The following COMMD10 variants were observed in gnomAD, a reference collection of about 807,000 sequenced individuals.
COMMD10 encodes COMM domain-containing protein 10.
Under a neutral mutation model 28.9 loss-of-function variants are expected in COMMD10, and 33 were observed. That is an observed-to-expected ratio of 1.14 (90% confidence interval 0.87 to 1.53). COMMD10 has a LOEUF of 1.53. Among genes scored for constraint, COMMD10 ranks in the 40% most tolerant of loss-of-function variants. The pLI is 0.00. For missense variants in COMMD10, 310 were observed against 233.4 expected (o/e 1.33, Z -2.14); for synonymous variants, 110 against 81.7 (o/e 1.35, Z -1.87).
intron 5 of COMMD10, among the ~76,000 whole-genome samples, chr5:116,145,648 C>T (rs149674666): frequency 1.8e-4 from 28 of 151,946 alleles, no homozygotes; most frequent in Admixed American, 1.8e-3. Context: ...TCTTGAATTG[C>T]AATCCTCACA....
chr5:116,097,126 C>T (rs1328847963), intron 4 of COMMD10, among the ~76,000 whole-genome samples: 1 of 151,826 alleles, frequency 6.6e-6, no homozygotes, highest in Non-Finnish European at 1.5e-5. Context: ...AGAAGCTTCT[C>T]TTTAAGAAAT....
At chr5:116,289,163 T>C (rs1443138338) in intron 5 of COMMD10, among the ~76,000 whole-genome samples, 1 of 151,806 alleles carries the variant, frequency 6.6e-6, no homozygotes, top group Admixed American at 6.6e-5. Context: ...ATTACAGATT[T>C]GAGCTACCGC....
intron 2 of COMMD10, among the ~76,000 whole-genome samples, chr5:116,090,182 C>T (rs890587912): frequency 6.6e-6 from 1 of 152,190 alleles, no homozygotes; most frequent in South Asian, 2.1e-4. Flanking sequence ...GTGGGCATGC[C>T]AGATTATGGA....
chr5:116,205,500 G>T (rs1261041956), intron 5 of COMMD10, among the ~76,000 whole-genome samples: 1 of 151,960 alleles, frequency 6.6e-6, no homozygotes, highest in Non-Finnish European at 1.5e-5. Flanking sequence ...TTTCAGTTAC[G>T]GGATTTATTG....
intron 4 of COMMD10, among the ~76,000 whole-genome samples, chr5:116,125,421 T>C (rs1278048937): frequency 1.3e-5 from 2 of 152,218 alleles, no homozygotes; most frequent in Admixed American, 6.5e-5. Context: ...AGAGATGCGC[T>C]GTTAGTCTGG....
intron 5 of COMMD10, among the ~76,000 whole-genome samples, chr5:116,255,373 G>A (rs1259454565): frequency 6.6e-6 from 1 of 151,576 alleles, no homozygotes; most frequent in African/African-American, 2.4e-5. Context: ...CTCGTTAGTT[G>A]ATGCAGTTTC....
intron 5 of COMMD10, among the ~76,000 whole-genome samples, chr5:116,144,540 G>T (rs1440145458): frequency 6.6e-6 from 1 of 151,846 alleles, no homozygotes; most frequent in East Asian, 1.9e-4. Flanking sequence ...ACTACATAGT[G>T]TTAAAAAATG....
chr5:116,093,608 CCT>C (rs1750373260), intron 4 of COMMD10, among the ~76,000 whole-genome samples: 1 of 152,080 alleles, frequency 6.6e-6, no homozygotes. Context: ...CCATGCTCCC[CCT>C]GAGTCTTAGG....
chr5:116,106,636 T>C (rs1259433337), intron 4 of COMMD10, among the ~76,000 whole-genome samples: 2 of 152,176 alleles, frequency 1.3e-5, no homozygotes, highest in Non-Finnish European at 2.9e-5. Context: ...TTTGTAGGTC[T>C]CTAAGAACTT....
At chr5:116,163,986 A>T (rs977143381) in intron 5 of COMMD10, among the ~76,000 whole-genome samples, 1 of 152,152 alleles carries the variant, frequency 6.6e-6, no homozygotes, top group African/African-American at 2.4e-5. Flanking sequence ...CAAAGGGGTG[A>T]TGGAAATACT....
intron 4 of COMMD10, among the ~76,000 whole-genome samples, chr5:116,106,863 A>G (rs62384699): frequency 0.066 from 10,107 of 152,080 alleles, 458 homozygotes; most frequent in Admixed American, 0.12. Context: ...TTTTGAGCCT[A>G]TGTGTGTCTT....
rs530051958 is a variant in COMMD10, at chr5:116,206,493, A to G, written c.510+72315A>G. On this transcript the variant is annotated intron_variant, in intron 5 of 6. Coordinates refer to ENST00000274458, the MANE Select transcript of COMMD10 (RefSeq NM_016144.4). Reference sequence around the variant, plus strand: ...TGGTGAAACCCAGTTTCCACTAAAAATACAAAAAATTAACTGGGTGTGGTG... The same window carrying G: ...TGGTGAAACCCAGTTTCCACTAAAAGTACAAAAAATTAACTGGGTGTGGTG... Among the ~76,000 whole-genome samples the G allele has an allele frequency of 2.0e-5, 3 of 152,224 alleles. No individual in the cohort carries two copies. The East Asian group carries it at 5.8e-4, about 29-fold the overall frequency.
intron 5 of COMMD10, among the ~76,000 whole-genome samples, chr5:116,254,482 A>T (rs1750220310): frequency 6.6e-6 from 1 of 150,718 alleles, no homozygotes. Flanking sequence ...CGTCCCAGAG[A>T]TTCTGGTATG....
In COMMD10 at chr5:116,155,674, G is replaced by GT. The variant is rs1246351003; in HGVS notation, c.510+21502dup. On this transcript the variant is annotated intron_variant, in intron 5 of 6. Coordinates refer to ENST00000274458, the MANE Select transcript of COMMD10 (RefSeq NM_016144.4). ...TAATTTGAAGAATTCTAACATAGTT[G>GT]TTTTTTCCCCTCCATATGTGTTGAT... Among the ~76,000 whole-genome samples, 4 of 152,036 alleles carry GT rather than the reference G, an allele frequency of 2.6e-5. No individual in the cohort carries two copies. In the South Asian group the frequency reaches 6.2e-4, roughly 24 times the overall value.
chr5:116,239,575 G>A (rs1411183452), intron 5 of COMMD10, among the ~76,000 whole-genome samples: 1 of 152,114 alleles, frequency 6.6e-6, no homozygotes, highest in Non-Finnish European at 1.5e-5. Context: ...TATTGGAGTG[G>A]CCTTTGCAGG....
intron 5 of COMMD10, among the ~76,000 whole-genome samples, chr5:116,173,405 G>T (rs1252205360): frequency 6.6e-6 from 1 of 151,986 alleles, no homozygotes; most frequent in African/African-American, 2.4e-5. Flanking sequence ...GTAAACTTTG[G>T]AATTTCCTGA....
At chr5:116,164,133 A>G (rs1291280609) in intron 5 of COMMD10, among the ~76,000 whole-genome samples, 2 of 152,108 alleles carry the variant, frequency 1.3e-5, no homozygotes, top group Non-Finnish European at 2.9e-5. Context: ...CTCTGCAAAC[A>G]TGGTAAAACC....
intron 5 of COMMD10, among the ~76,000 whole-genome samples, chr5:116,146,896 T>C (rs1382364889): frequency 6.6e-6 from 1 of 151,904 alleles, no homozygotes; most frequent in African/African-American, 2.4e-5. Flanking sequence ...ATTTTTGTTT[T>C]TCAAAGTTTC....
intron 4 of COMMD10, among the ~76,000 whole-genome samples, chr5:116,102,118 T>G (rs1580445403): frequency 6.6e-6 from 1 of 152,222 alleles, no homozygotes; most frequent in East Asian, 1.9e-4. Context: ...AAGATCTTAG[T>G]CATGAATTCT....
Sources: allele counts gnomAD v4.1 joint callset (sites outside exome capture counted in the v4.1 genomes callset), GRCh38; gene constraint gnomAD v4.1.1; transcripts MANE v1.5; gene names NCBI Gene and HGNC (gene_info 2026-07-23, HGNC 2026-07-21).